NKAIN3: variants seen among roughly 807,000 people sequenced by gnomAD.
The protein encoded by NKAIN3 is sodium/potassium transporting ATPase interacting 3.
A neutral mutation model predicts 30.2 loss-of-function variants in NKAIN3; 25 were observed. The ratio of observed to expected loss-of-function variants is 0.83; its 90% CI spans 0.60 to 1.16. The LOEUF is 1.16. NKAIN3 is among the 50% of genes most tolerant of loss of function. The pLI is 0.00. For synonymous variants in NKAIN3, 91 were observed against 89.6 expected (o/e 1.02, Z -0.09); for missense variants, 225 against 254.1 (o/e 0.89, Z 0.78).
chr8:62,900,029 TA>T (rs5891878), intron 4 of NKAIN3, among the ~76,000 whole-genome samples: 5 of 148,216 alleles, frequency 3.4e-5, no homozygotes, highest in Admixed American at 6.7e-5. Context: ...CTACTGAAAT[TA>T]AAAAAAAAAG....
intron 6 of NKAIN3, among the ~76,000 whole-genome samples, chr8:62,958,323 G>A (rs1823479037): frequency 6.6e-6 from 1 of 151,990 alleles, no homozygotes; most frequent in South Asian, 2.1e-4. Flanking sequence ...ATCTGGGTCT[G>A]GCCTGGGGAC....
chr8:62,312,904 C>T (rs1814495549), intron 1 of NKAIN3, among the ~76,000 whole-genome samples: 1 of 151,752 alleles, frequency 6.6e-6, no homozygotes, highest in Admixed American at 6.6e-5. Context: ...CCAAGAAACC[C>T]CTAGAAGAAA....
chr8:62,497,575 CA>C (rs1458693382), intron 1 of NKAIN3, among the ~76,000 whole-genome samples: 1 of 152,072 alleles, frequency 6.6e-6, no homozygotes, highest in East Asian at 1.9e-4. Flanking sequence ...TACTTGGTTC[CA>C]GGTGTATTTT....
chr8:62,501,602 C>G (rs1371617600), intron 1 of NKAIN3, among the ~76,000 whole-genome samples: 1 of 151,062 alleles, frequency 6.6e-6, no homozygotes, highest in Non-Finnish European at 1.5e-5. Context: ...TGTGTCTAGG[C>G]ATTACGAGAA....
chr8:62,755,996 G>T (rs62512374), intron 4 of NKAIN3, among the ~76,000 whole-genome samples: 29,553 of 152,072 alleles, frequency 0.19, 3,269 homozygotes, highest in African/African-American at 0.29. Context: ...CATTTAGTGA[G>T]CTGTGATTTT....
chr8:62,799,424 G>A (rs1457706848), intron 4 of NKAIN3, among the ~76,000 whole-genome samples: 2 of 152,200 alleles, frequency 1.3e-5, no homozygotes, highest in East Asian at 3.9e-4. Context: ...TATACAAATA[G>A]CCAACAAGCA....
chr8:62,928,566 C>T (rs1020787355), intron 5 of NKAIN3, among the ~76,000 whole-genome samples: 2 of 152,194 alleles, frequency 1.3e-5, no homozygotes, highest in African/African-American at 2.4e-5. Flanking sequence ...TCCTCCCAAG[C>T]ACACAATTGT....
At chr8:62,809,114 C>T (rs1818400236) in intron 4 of NKAIN3, among the ~76,000 whole-genome samples, 1 of 152,168 alleles carries the variant, frequency 6.6e-6, no homozygotes, top group African/African-American at 2.4e-5. Context: ...CTCCGTTCCG[C>T]CCAGCTCTCA....
rs370536390 is a variant in NKAIN3, at chr8:62,870,250, CTA to C, written c.472-48193_472-48192del. ...TCTATATATAGATATCTATAGATAT[CTA>C]TATATATATCTATATATAGATATAT... On this transcript the variant is annotated intron_variant, in intron 4 of 6. Coordinates refer to ENST00000623646, the MANE Select transcript of NKAIN3 (RefSeq NM_001304533.3). Among the ~76,000 whole-genome samples, 463 of 97,840 alleles carry C rather than the reference CTA, an allele frequency of 4.7e-3. 9 individuals are homozygous for C. The highest frequency in any genetic ancestry group is 6.5e-3 in the African/African-American group (110 of 16,864). The allele number at this position is 97,840 out of a possible 152,430, so 64.2% of individuals were successfully genotyped here.
Position 62,964,593 on chromosome 8 carries a change from C to T in NKAIN3, c.604-761C>T, listed in dbSNP as rs184980548. ...GTGTGTGTGTGCTTCCCCACACATG[C>T]GTGCATCTGGGGGCTGGCAGACTGG... On this transcript the variant is annotated intron_variant, in intron 6 of 6. Coordinates refer to ENST00000623646, the MANE Select transcript of NKAIN3 (RefSeq NM_001304533.3). Among the ~76,000 whole-genome samples the T allele has an allele frequency of 2.9e-3, 436 of 148,386 alleles. 2 individuals are homozygous for T. Among genetic ancestry groups the T allele is most frequent in the Non-Finnish European group, 5.0e-3 (332 of 67,014 alleles).
At chr8:62,849,006 T>G (rs1035828594) in intron 4 of NKAIN3, among the ~76,000 whole-genome samples, 2 of 152,314 alleles carry the variant, frequency 1.3e-5, no homozygotes, top group East Asian at 3.9e-4. Context: ...ATCTCAGAGA[T>G]GAAGCCAACT....
intron 3 of NKAIN3, among the ~76,000 whole-genome samples, chr8:62,594,452 A>G (rs1394086660): frequency 6.6e-6 from 1 of 152,062 alleles, no homozygotes; most frequent in Non-Finnish European, 1.5e-5. Flanking sequence ...TGCTAAGATC[A>G]AAATTCTTGC....
chr8:62,661,444 T>A (rs1424921232), intron 3 of NKAIN3, among the ~76,000 whole-genome samples: 3 of 152,234 alleles, frequency 2.0e-5, no homozygotes, highest in Non-Finnish European at 4.4e-5. Flanking sequence ...TTTCTCTAGC[T>A]GTTTGAATCT....
intron 3 of NKAIN3, among the ~76,000 whole-genome samples, chr8:62,693,739 CT>C (rs1367886202): frequency 6.6e-6 from 1 of 152,118 alleles, no homozygotes; most frequent in Admixed American, 6.5e-5. Flanking sequence ...TTCTAATCAC[CT>C]CCTGCAAAGC....
At chr8:62,559,725 T>C (rs905707399) in intron 1 of NKAIN3, among the ~76,000 whole-genome samples, 30 of 152,212 alleles carry the variant, frequency 2.0e-4, no homozygotes, top group African/African-American at 7.0e-4. Flanking sequence ...ATAATTGTTT[T>C]AAATATTTTC....
chr8:62,257,289 C>G (rs1812293124), intron 1 of NKAIN3, among the ~76,000 whole-genome samples: 1 of 152,180 alleles, frequency 6.6e-6, no homozygotes, highest in African/African-American at 2.4e-5. Flanking sequence ...ACTTAAGCCT[C>G]CCTGACATAT....
chr8:62,344,339 C>CAT (rs1469722662), intron 1 of NKAIN3, among the ~76,000 whole-genome samples: 16 of 152,092 alleles, frequency 1.1e-4, no homozygotes, highest in African/African-American at 3.9e-4. Flanking sequence ...TACATAAGTG[C>CAT]ATAGTGCATA....
chr8:62,992,334 T>C (rs917958472), intron 5 of NKAIN3, among the ~76,000 whole-genome samples: 1 of 152,070 alleles, frequency 6.6e-6, no homozygotes, highest in East Asian at 1.9e-4. Context: ...TTCTTTACTT[T>C]TCCTTCCTGT....
intron 1 of NKAIN3, among the ~76,000 whole-genome samples, chr8:62,268,296 G>A (rs1310880397): frequency 6.6e-6 from 1 of 152,168 alleles, no homozygotes; most frequent in Non-Finnish European, 1.5e-5. Context: ...TTTGTCTGGA[G>A]AGAAAGACTG....
Sources: gnomAD v4.1 joint callset for allele counts (sites outside exome capture counted in the v4.1 genomes callset) on GRCh38, gnomAD v4.1.1 for gene constraint, MANE v1.5 for transcripts, NCBI Gene and HGNC (gene_info 2026-07-23, HGNC 2026-07-21) for gene names.